Variants in TDRD7 observed in about 807,000 individuals in gnomAD.
TDRD7 encodes the protein tudor domain-containing protein 7.
In TDRD7, 47 loss-of-function variants were observed where a neutral mutation model predicts 109.8. The ratio of observed to expected loss-of-function variants is 0.43; its 90% CI spans 0.34 to 0.55. The LOEUF is 0.55. TDRD7 is among the 20% of genes least tolerant of loss of function. TDRD7 has a pLI of 0.03. For missense variants in TDRD7, 1,164 were observed against 1,319.2 expected, an observed-to-expected ratio of 0.88 and a Z score of 1.82; for synonymous variants, 424 against 457.3, an observed-to-expected ratio of 0.93 and a Z score of 0.93.
At chr9:97,425,070 G>C (rs761118964) in intron 1 of TDRD7, among the ~76,000 whole-genome samples, 1 of 151,778 alleles carries the variant, frequency 6.6e-6, no homozygotes, top group African/African-American at 2.4e-5. Flanking sequence ...TCTATTCTTC[G>C]TACTACCTTT....
Position 97,460,186 on chromosome 9 carries a change from ACC to A in TDRD7, c.865_866del (p.Pro289LeufsTer13). On this transcript the variant is annotated frameshift_variant, in exon 7 of 17. Coordinates refer to ENST00000355295, the MANE Select transcript of TDRD7 (RefSeq NM_014290.3). LOFTEE classifies it high-confidence loss of function. ...TTATTTAAAAATTTCAGGTGGAGAA[ACC>A]TTGCAGTGGTGGCCAAGATTTACTT... is the stretch of plus-strand genomic sequence containing the variant. ...HWPHICTVEK[P>X]CSGGQDLLLY... 6.2e-7 allele frequency: 1 copy of A among 1,614,156 alleles called. No homozygotes were observed. The highest frequency in any genetic ancestry group is 8.5e-7 in the Non-Finnish European group (1 of 1,180,016).
intron 6 of TDRD7, among the ~76,000 whole-genome samples, chr9:97,442,701 T>G (rs1333431014): frequency 6.6e-6 from 1 of 152,260 alleles, no homozygotes; most frequent in Non-Finnish European, 1.5e-5. Flanking sequence ...TAGAGGGCTT[T>G]TATTTCTTTA....
intron 6 of TDRD7, among the ~76,000 whole-genome samples, chr9:97,450,821 T>G (rs1187884010): frequency 1.3e-5 from 2 of 152,050 alleles, no homozygotes; most frequent in Non-Finnish European, 2.9e-5. Context: ...TTGAGCTGGG[T>G]GATATTGTAA....
chr9:97,462,551 C>G (rs1828742961), intron 7 of TDRD7, among the ~76,000 whole-genome samples: 1 of 152,196 alleles, frequency 6.6e-6, no homozygotes, highest in African/African-American at 2.4e-5. Flanking sequence ...AGCTGGATCT[C>G]TGGCTCATTA....
intron 6 of TDRD7, among the ~76,000 whole-genome samples, chr9:97,446,423 AT>A (rs1008016013): frequency 6.6e-6 from 1 of 152,232 alleles, no homozygotes; most frequent in African/African-American, 2.4e-5. Context: ...ATTATAAAAC[AT>A]AACATTTTGT....
Position 97,430,935 on chromosome 9 carries a change from T to A in TDRD7, c.210T>A (p.Ile70=), listed in dbSNP as rs776218288. The A allele has an allele frequency of 1.2e-6, 2 of 1,613,754 alleles. No homozygotes were observed. Among genetic ancestry groups the A allele is most frequent in the Non-Finnish European group, 1.7e-6 (2 of 1,179,760 alleles). ...CTTACCCTGCCTCTAATGAATAGATTACCTGCTATGCCATGGCCTGCACAG... is the reference window on the plus strand; with the variant it reads ...CTTACCCTGCCTCTAATGAATAGATAACCTGCTATGCCATGGCCTGCACAG... ...VRIETSRSGE[I]TCYAMACTET... Residue 70 remains isoleucine, a splice_region_variant and synonymous_variant, in exon 3 of 17, where the codon ATT becomes ATA. Transcript: ENST00000355295.
chr9:97,478,550 G>A lies in TDRD7; in HGVS notation c.2278G>A (p.Glu760Lys). 2 of 1,613,998 alleles carry A rather than the reference G, an allele frequency of 1.2e-6. No individual in the cohort carries two copies. The highest frequency in any genetic ancestry group is 1.7e-6 in the Non-Finnish European group (2 of 1,179,948). ...GGAAATTCCACCTCGGTTTCTACAA[G>A]AAATGATTGCAATACCACCTCAGGT... ...LREIPPRFLQ[E>K]MIAIPPQAIK... Residue 760 changes from glutamate (E) to lysine (K), a missense_variant, in exon 13 of 17, where the codon GAA (glutamate) becomes AAA (lysine). Glu to Lys is a moderately conservative substitution (Grantham distance 56). This residue lies in a region of TDRD7 where 233 missense variants were observed against 218.0 expected (regional missense o/e 1.07). Transcript: ENST00000355295.
intron 4 of TDRD7, among the ~76,000 whole-genome samples, chr9:97,433,067 A>G (rs944401505): frequency 1.3e-5 from 2 of 152,210 alleles, no homozygotes; most frequent in African/African-American, 2.4e-5. Flanking sequence ...AGATGCATCA[A>G]GATCACATTC....
intron 7 of TDRD7, among the ~76,000 whole-genome samples, chr9:97,462,125 A>T (rs1828736370): frequency 6.6e-6 from 1 of 152,234 alleles, no homozygotes; most frequent in Non-Finnish European, 1.5e-5. Flanking sequence ...AAGGAAAGAT[A>T]TTGAAGGCCA....
In TDRD7 at chr9:97,495,908, C is replaced by A; in HGVS notation, c.*25C>A. 6.3e-7 allele frequency: 1 copy of A among 1,591,358 alleles called. No individual in the cohort carries two copies. Among genetic ancestry groups the A allele is most frequent in the South Asian group, 1.1e-5 (1 of 90,520 alleles). On this transcript the variant is annotated 3_prime_UTR_variant, in exon 17 of 17. Transcript: ENST00000355295. Reference sequence around the variant, plus strand: ...ATGACTGCCTCTGAAACCTTGACAACTAATTCAGATTTTTTAGCAATAACA... The same window carrying A: ...ATGACTGCCTCTGAAACCTTGACAAATAATTCAGATTTTTTAGCAATAACA...
intron 4 of TDRD7, among the ~76,000 whole-genome samples, chr9:97,433,578 G>A (rs1241382820): frequency 4.6e-5 from 7 of 151,902 alleles, no homozygotes; most frequent in Admixed American, 2.0e-4. Flanking sequence ...AGAGTGAAAA[G>A]ACAAGCTATG....
chr9:97,430,805 A>G, intron 2 of TDRD7, 128 bp from the exon 3 acceptor site: 1 of 1,089,780 alleles, frequency 9.2e-7, no homozygotes, highest in South Asian at 1.3e-5. Context: ...GGAGCGAGAC[A>G]CATGAATATT....
intron 1 of TDRD7, 103 bp from the exon 2 acceptor site, chr9:97,428,357 T>C: frequency 9.0e-7 from 1 of 1,115,144 alleles, no homozygotes; most frequent in East Asian, 2.5e-5. Context: ...ACAGAAAGTA[T>C]GCAGTAATAA....
chr9:97,464,241 G>A (rs1404114523), intron 7 of TDRD7, among the ~76,000 whole-genome samples: 1 of 152,036 alleles, frequency 6.6e-6, no homozygotes, highest in Non-Finnish European at 1.5e-5. Context: ...GGACACTATC[G>A]CTGCTTCCTG....
rs1189091690 is a variant in TDRD7, at chr9:97,412,392, G to A, written c.-7+154G>A. On this transcript the variant is annotated intron_variant, in intron 1 of 16. Transcript: ENST00000355295. This position sits in a 1 kb window ranked among gnomAD's most constrained non-coding sequence, Gnocchi z 4.3. ...GGGGCCTTTTCCCTGCAGCCGCAGG[G>A]GATTGCCCCCGCCCCGACGCCTGGG... 6.6e-6 allele frequency among the ~76,000 whole-genome samples: 1 copy of A among 152,172 alleles called. No homozygotes were observed. Among genetic ancestry groups the A allele is most frequent in the Admixed American group, 6.5e-5 (1 of 15,284 alleles).
intron 1 of TDRD7, among the ~76,000 whole-genome samples, chr9:97,417,703 G>A (rs769244335): frequency 3.3e-5 from 5 of 152,152 alleles, no homozygotes; most frequent in Non-Finnish European, 7.3e-5. Flanking sequence ...AGGAGGCTCA[G>A]GCATAATCTT....
At chr9:97,465,073 T>G (rs1212913227) in intron 8 of TDRD7, 45 bp downstream of exon 8, 2 of 1,569,714 alleles carry the variant, frequency 1.3e-6, no homozygotes, top group Non-Finnish European at 1.7e-6. Flanking sequence ...TACAAATACC[T>G]TATTATTTTC....
rs1162856831 is a variant in TDRD7, at chr9:97,482,992, C to T, written c.2556C>T (p.Ala852=). The change falls in exon 15 of 17, where the codon GCC becomes GCT. Residue 852 remains alanine (A), a synonymous_variant. Transcript: ENST00000355295. ...ATCAGAAGGATGTGTTTTTGAGTGC[C>T]ATATCCAGTGGAGCTGACTCTCCCA... is the stretch of plus-strand genomic sequence containing the variant. ...WKHQKDVFLS[A]ISSGADSPNS... 6.2e-7 allele frequency: 1 copy of T among 1,614,130 alleles called. No individual in the cohort carries two copies. Among genetic ancestry groups the T allele is most frequent in the Admixed American group, 1.7e-5 (1 of 59,998 alleles).
chr9:97,427,087 T>C (rs1004482903), intron 1 of TDRD7, among the ~76,000 whole-genome samples: 5 of 152,236 alleles, frequency 3.3e-5, no homozygotes, highest in Admixed American at 2.0e-4. Context: ...GAAAGTTCTA[T>C]TGAACATCAC....
Sources: gnomAD v4.1 joint callset for allele counts (sites outside exome capture counted in the v4.1 genomes callset) on GRCh38, gnomAD v4.1.1 for gene constraint, gnomAD v4.1.1 regional missense constraint, Gnocchi (gnomAD v3.1) non-coding constraint, MANE v1.5 for transcripts, NCBI Gene and HGNC (gene_info 2026-07-23, HGNC 2026-07-21) for gene names.